CNTNAP5: variants seen among roughly 807,000 people sequenced by gnomAD.
The protein encoded by CNTNAP5 is contactin-associated protein-like 5.
CNTNAP5 carries 72 observed loss-of-function variants against 150.2 expected under a neutral mutation model. The observed-to-expected ratio is 0.48, with a 90% CI of 0.40 to 0.58. The LOEUF (loss-of-function observed/expected upper bound fraction) is 0.58. CNTNAP5 is among the 20% of genes least tolerant of loss of function. CNTNAP5 has a pLI of 0.00. For synonymous variants in CNTNAP5, 672 were observed against 619.8 expected, an observed-to-expected ratio of 1.08 and a Z score of -1.25; for missense variants, 1,636 against 1,626.2, an observed-to-expected ratio of 1.01 and a Z score of -0.10.
At chr2:124,420,115 T>G (rs1692063684) in intron 4 of CNTNAP5, among the ~76,000 whole-genome samples, 1 of 149,278 alleles carries the variant, frequency 6.7e-6, no homozygotes. Flanking sequence ...CTCACCCTCC[T>G]AAGTAGCTGG....
At chr2:124,470,413 G>A (rs1007674693) in intron 6 of CNTNAP5, among the ~76,000 whole-genome samples, 2 of 151,806 alleles carry the variant, frequency 1.3e-5, no homozygotes, top group African/African-American at 2.4e-5. Context: ...ACTTTTTATG[G>A]GGTTGTTTTT....
At chr2:124,479,880 A>G (rs1375051367) in intron 7 of CNTNAP5, among the ~76,000 whole-genome samples, 1 of 152,158 alleles carries the variant, frequency 6.6e-6, no homozygotes, top group Non-Finnish European at 1.5e-5. Flanking sequence ...CATACATAAA[A>G]TGAGGGCAAA....
chr2:124,455,131 A>G (rs887584751), intron 6 of CNTNAP5, among the ~76,000 whole-genome samples: 1 of 152,172 alleles, frequency 6.6e-6, no homozygotes, highest in African/African-American at 2.4e-5. Context: ...GAAAAGATAA[A>G]TAAAATTTAT....
intron 4 of CNTNAP5, among the ~76,000 whole-genome samples, chr2:124,432,647 C>A (rs745447654): frequency 1.3e-5 from 2 of 152,094 alleles, no homozygotes; most frequent in Non-Finnish European, 2.9e-5. Flanking sequence ...AGAGTAGAAG[C>A]AATCAGAAGA....
At chr2:124,035,349 T>G (rs13411886) in intron 1 of CNTNAP5, among the ~76,000 whole-genome samples, 38,928 of 151,778 alleles carry the variant, frequency 0.26, 5,138 homozygotes, top group South Asian at 0.45. Flanking sequence ...TAATCCTCTT[T>G]TCTTCCTTCT....
intron 13 of CNTNAP5, among the ~76,000 whole-genome samples, chr2:124,740,509 T>C (rs939341046): frequency 6.6e-6 from 1 of 152,114 alleles, no homozygotes; most frequent in Non-Finnish European, 1.5e-5. Context: ...TGAACCCAGA[T>C]TGGGTTTATA....
chr2:124,557,861 C>T (rs1228067649), intron 10 of CNTNAP5, among the ~76,000 whole-genome samples: 3 of 151,982 alleles, frequency 2.0e-5, no homozygotes, highest in African/African-American at 7.3e-5. Flanking sequence ...AGAGAGAATT[C>T]CAGTGCAAGA....
At chr2:124,662,573 G>A (rs542557898) in intron 13 of CNTNAP5, among the ~76,000 whole-genome samples, 2 of 152,294 alleles carry the variant, frequency 1.3e-5, no homozygotes, top group South Asian at 2.1e-4. Flanking sequence ...TGGACACTTA[G>A]AGGTGAAGTA....
intron 3 of CNTNAP5, among the ~76,000 whole-genome samples, chr2:124,288,478 G>T (rs1394842399): frequency 6.6e-6 from 1 of 152,056 alleles, no homozygotes; most frequent in African/African-American, 2.4e-5. Flanking sequence ...ACCCTTTCTT[G>T]TAAATAGAAT....
intron 5 of CNTNAP5, among the ~76,000 whole-genome samples, chr2:124,442,124 G>A (rs1692689342): frequency 6.6e-6 from 1 of 152,144 alleles, no homozygotes. Flanking sequence ...TGCAATGAGA[G>A]TGGCAAACTT....
chr2:124,599,230 T>G (rs1396222855), intron 11 of CNTNAP5, among the ~76,000 whole-genome samples: 2 of 152,182 alleles, frequency 1.3e-5, no homozygotes, highest in Non-Finnish European at 2.9e-5. Flanking sequence ...GTATGAGGAG[T>G]GGATTTAATT....
At chr2:124,731,825 AG>A (rs1177825667) in intron 13 of CNTNAP5, among the ~76,000 whole-genome samples, 12 of 150,842 alleles carry the variant, frequency 8.0e-5, no homozygotes, top group African/African-American at 2.9e-4. Flanking sequence ...TGCATGTATG[AG>A]GGTGTATATG....
intron 1 of CNTNAP5, among the ~76,000 whole-genome samples, chr2:124,053,828 A>C (rs1483893234): frequency 6.6e-6 from 1 of 152,142 alleles, no homozygotes; most frequent in African/African-American, 2.4e-5. Flanking sequence ...CCATGAAAGC[A>C]TATCTCTACT....
chr2:124,203,174 C>A (rs549362283), intron 1 of CNTNAP5, among the ~76,000 whole-genome samples: 7 of 152,116 alleles, frequency 4.6e-5, no homozygotes, highest in Admixed American at 4.6e-4. Flanking sequence ...GGGTTACAGG[C>A]CCCATGCAAG....
At chr2:124,122,248 T>A (rs1683580995) in intron 1 of CNTNAP5, among the ~76,000 whole-genome samples, 1 of 152,218 alleles carries the variant, frequency 6.6e-6, no homozygotes, top group Admixed American at 6.5e-5. Flanking sequence ...GTAACATGAT[T>A]GATAACCTTA....
At chr2:124,064,508 A>ATC (rs1016401208) in intron 1 of CNTNAP5, among the ~76,000 whole-genome samples, 9 of 152,114 alleles carry the variant, frequency 5.9e-5, no homozygotes, top group Non-Finnish European at 7.4e-5. Context: ...GCATACCTGG[A>ATC]TCACTATTGT....
chr2:124,791,338 A>T (rs762505737), intron 18 of CNTNAP5, among the ~76,000 whole-genome samples: 44 of 152,232 alleles, frequency 2.9e-4, no homozygotes, highest in Non-Finnish European at 7.3e-5. Context: ...AATTAATGGT[A>T]AAAATTTTCG....
chr2:124,503,038 G>A (rs923476388), intron 7 of CNTNAP5, among the ~76,000 whole-genome samples: 2 of 152,164 alleles, frequency 1.3e-5, no homozygotes, highest in African/African-American at 2.4e-5. Context: ...TAGCACGGTG[G>A]GGATGATATA....
rs370887782 is a variant in CNTNAP5 at position 124,446,871 on chromosome 2, G to A, written c.852G>A (p.Thr284=). 6.3e-5 allele frequency: 102 copies of A among 1,613,918 alleles called. No homozygotes were observed. The highest frequency in any genetic ancestry group is 1.3e-4 in the East Asian group (6 of 44,852). ...GGGTGGGCAAGCAGGTGAACTTCAC[G>A]GTGGACAAGCACACACAGCACTTCC... is the stretch of plus-strand genomic sequence containing the variant. ...IERVGKQVNF[T]VDKHTQHFRT... The change falls in exon 6 of 24, where the codon ACG becomes ACA. Residue 284 remains threonine (T), a synonymous_variant. Coordinates refer to ENST00000682447, the MANE Select transcript of CNTNAP5 (RefSeq NM_001367498.1).
Sources: allele counts gnomAD v4.1 joint callset (sites outside exome capture counted in the v4.1 genomes callset), GRCh38; gene constraint gnomAD v4.1.1; transcripts MANE v1.5; gene names NCBI Gene and HGNC (gene_info 2026-07-23, HGNC 2026-07-21).